The following RAPGEF2 variants were observed in gnomAD, a reference collection of about 807,000 sequenced individuals.
The protein encoded by RAPGEF2 is Rap guanine nucleotide exchange factor 2, also known as PDZ domain containing guanine nucleotide exchange factor (GEF) 1.
RAPGEF2 carries 54 observed loss-of-function variants against 186.7 expected under a neutral mutation model. The observed-to-expected ratio is 0.29, with a 90% CI of 0.23 to 0.36. The LOEUF (loss-of-function observed/expected upper bound fraction) is 0.36, where lower values mean the gene tolerates loss of function less well. Ranked by LOEUF, RAPGEF2 falls within the 10% of genes least tolerant of loss-of-function variation. The probability of loss-of-function intolerance (pLI) is 1.00; values close to 1 mark genes in which losing one functional copy is unlikely to be tolerated. For missense variants in RAPGEF2, 1,532 were observed against 2,045.0 expected (o/e 0.75, Z 4.84); for synonymous variants, 712 against 705.9 (o/e 1.01, Z -0.14).
chr4:159,335,437 T>G (rs1275739482), intron 17 of RAPGEF2, among the ~76,000 whole-genome samples: 2 of 152,174 alleles, frequency 1.3e-5, no homozygotes, highest in African/African-American at 4.8e-5. Context: ...GGATATAAAA[T>G]AGTTTCAATC....
rs775928526 is a variant in RAPGEF2 at position 159,345,325 on chromosome 4, C to T, written c.3498C>T (p.Asn1166=). The part of the protein sequence containing the change: ...TLSLQCEPAT[N]TLPKNPGDKK... The stretch of plus-strand genomic sequence containing the variant: ...CTCTGCAGTGTGAGCCAGCAACCAA[C>T]ACATGTGAGTTTTTCCTTAAAGTGG... Residue 1166 remains asparagine, a synonymous_variant, in exon 24 of 30, where the codon AAC becomes AAT. Transcript: ENST00000691494. 1.2e-6 allele frequency: 2 copies of T among 1,613,916 alleles called. No homozygotes were observed. Among genetic ancestry groups the T allele is most frequent in the East Asian group, 2.2e-5 (1 of 44,882 alleles).
At chr4:159,180,834 AT>A (rs1746929631) in intron 1 of RAPGEF2, among the ~76,000 whole-genome samples, 1 of 152,094 alleles carries the variant, frequency 6.6e-6, no homozygotes, top group Non-Finnish European at 1.5e-5. Flanking sequence ...TGTAATGTCT[AT>A]TTCCCAGTTT....
intron 3 of RAPGEF2, among the ~76,000 whole-genome samples, chr4:159,199,731 C>T (rs1419521230): frequency 6.6e-6 from 1 of 152,114 alleles, no homozygotes; most frequent in African/African-American, 2.4e-5. Flanking sequence ...AGTATTGTTG[C>T]AGTTTCTTGC....
At chr4:159,179,050 AGT>A (rs1263069747) in intron 1 of RAPGEF2, among the ~76,000 whole-genome samples, 3 of 152,214 alleles carry the variant, frequency 2.0e-5, no homozygotes, top group Non-Finnish European at 4.4e-5. Flanking sequence ...TTATAACTTC[AGT>A]CTACTTTCAA....
intron 1 of RAPGEF2, among the ~76,000 whole-genome samples, chr4:159,169,888 G>C (rs1745719963): frequency 6.6e-6 from 1 of 152,112 alleles, no homozygotes; most frequent in African/African-American, 2.4e-5. Flanking sequence ...GGGAGTGCAG[G>C]CATCTCTTCA....
At chr4:159,291,145 C>T (rs1377484038) in intron 7 of RAPGEF2, among the ~76,000 whole-genome samples, 1 of 152,122 alleles carries the variant, frequency 6.6e-6, no homozygotes, top group East Asian at 1.9e-4. Flanking sequence ...TAATACCCGT[C>T]ACTAGAAAAG....
intron 4 of RAPGEF2, among the ~76,000 whole-genome samples, chr4:159,213,351 T>G: frequency 6.6e-6 from 1 of 152,232 alleles, no homozygotes; most frequent in East Asian, 1.9e-4. Context: ...AAACAACTAG[T>G]TTACAGATTA....
chr4:159,301,100 T>C (rs912651887), intron 7 of RAPGEF2, among the ~76,000 whole-genome samples: 1 of 152,182 alleles, frequency 6.6e-6, no homozygotes. Flanking sequence ...ATGCCAGATG[T>C]GGTGGCTCAT....
chr4:159,322,176 T>C (rs1448232474), intron 9 of RAPGEF2, among the ~76,000 whole-genome samples, 171 bp from the exon 10 acceptor site: 1 of 152,232 alleles, frequency 6.6e-6, no homozygotes, highest in Non-Finnish European at 1.5e-5. Flanking sequence ...AGTGACAGAA[T>C]TCTTTGTGTA....
intron 9 of RAPGEF2, among the ~76,000 whole-genome samples, chr4:159,316,542 C>T (rs1009573528): frequency 6.6e-6 from 1 of 152,104 alleles, no homozygotes; most frequent in Non-Finnish European, 1.5e-5. Context: ...TCATTTAGCT[C>T]CCACTTACAG....
At chr4:159,199,844 T>C (rs890919777) in intron 3 of RAPGEF2, among the ~76,000 whole-genome samples, 7 of 151,950 alleles carry the variant, frequency 4.6e-5, no homozygotes, top group African/African-American at 1.5e-4. Flanking sequence ...CCCAGGTGAC[T>C]CCAGGTGAGA....
chr4:159,331,870 G>C, intron 15 of RAPGEF2, 37 bp downstream of exon 15: 1 of 1,597,988 alleles, frequency 6.3e-7, no homozygotes, highest in Non-Finnish European at 8.5e-7. Flanking sequence ...GGTGAATTTT[G>C]GTGTCTGGTT....
Position 159,330,480 on chromosome 4 carries a change from C to T in RAPGEF2, c.1449C>T (p.Asp483=). 6.2e-7 allele frequency: 1 copy of T among 1,603,634 alleles called. No homozygotes were observed. The highest frequency in any genetic ancestry group is 8.5e-7 in the Non-Finnish European group (1 of 1,177,222). ...AAAAGTTATTGGAGTGGTTTAATGA[C>T]CCGAGCCTCAGGGATAAGGTTGGAA... ...VGKKLLEWFN[D]PSLRDKVTRV... is the part of the protein sequence containing the mutation. The change falls in exon 13 of 30, where the codon GAC becomes GAT. Residue 483 remains aspartate (D), a synonymous_variant. Transcript: ENST00000691494.
At chr4:159,161,974 C>T (rs1744758711) in intron 1 of RAPGEF2, among the ~76,000 whole-genome samples, 1 of 152,122 alleles carries the variant, frequency 6.6e-6, no homozygotes. Flanking sequence ...AAGCATGCAT[C>T]ATAACGTTCT....
chr4:159,314,269 C>T (rs1191890201), intron 8 of RAPGEF2, among the ~76,000 whole-genome samples: 1 of 152,210 alleles, frequency 6.6e-6, no homozygotes, highest in Non-Finnish European at 1.5e-5. Context: ...TAGCCTAAGC[C>T]ATTCTCTTTG....
At chr4:159,195,365 C>A (rs533946811) in intron 3 of RAPGEF2, among the ~76,000 whole-genome samples, 1 of 152,260 alleles carries the variant, frequency 6.6e-6, no homozygotes, top group African/African-American at 2.4e-5. Flanking sequence ...TAAGCATCAA[C>A]TTTCTAGTAT....
At chr4:159,285,830 T>C (rs2110921978) in intron 7 of RAPGEF2, among the ~76,000 whole-genome samples, 1 of 152,326 alleles carries the variant, frequency 6.6e-6, no homozygotes, top group African/African-American at 2.4e-5. Context: ...GTTGTACTTG[T>C]ATGTGTTAAC....
At chr4:159,247,910 G>GCAC (rs903755967) in intron 7 of RAPGEF2, among the ~76,000 whole-genome samples, 3 of 151,516 alleles carry the variant, frequency 2.0e-5, no homozygotes, top group Non-Finnish European at 4.4e-5. Flanking sequence ...TTACAGGTGT[G>GCAC]CACCACCAGG....
chr4:159,279,887 T>C (rs555855277), intron 7 of RAPGEF2, among the ~76,000 whole-genome samples: 2 of 152,198 alleles, frequency 1.3e-5, no homozygotes, highest in East Asian at 3.9e-4. Context: ...TTTCACCATG[T>C]TGGCCAGGCT....
Sources: gnomAD v4.1 joint callset for allele counts (sites outside exome capture counted in the v4.1 genomes callset) on GRCh38, gnomAD v4.1.1 for gene constraint, MANE v1.5 for transcripts, NCBI Gene and HGNC (gene_info 2026-07-23, HGNC 2026-07-21) for gene names.